TBC1D32: variants seen among roughly 807,000 people sequenced by gnomAD.
TBC1D32 encodes protein broad-minded.
Under a neutral mutation model 170.3 loss-of-function variants are expected in TBC1D32, and 151 were observed. The ratio of observed to expected loss-of-function variants is 0.89; its 90% CI spans 0.78 to 1.01. The LOEUF is 1.01. Among genes scored for constraint, TBC1D32 ranks in the 50% least tolerant of loss-of-function variants. The probability of loss-of-function intolerance (pLI) is 0.00; values close to 1 mark genes in which losing one functional copy is unlikely to be tolerated. For missense variants in TBC1D32, 1,464 were observed against 1,457.1 expected (o/e 1.00, Z -0.08); for synonymous variants, 498 against 488.0 (o/e 1.02, Z -0.27).
rs566007571 is a variant in TBC1D32 at position 121,201,945 on chromosome 6, G to T, written c.2570+3130C>A. On this transcript the variant is annotated intron_variant, in intron 22 of 31. Transcript: ENST00000398212. ...AATTAAGCAATTAAAGAGACGGTTG[G>T]GTCACTTAATGAGACAGAAATGAAA... 7.9e-5 allele frequency among the ~76,000 whole-genome samples: 12 copies of T among 151,024 alleles called. 1 individual carries two copies. The highest frequency in any genetic ancestry group is 3.0e-4 in the African/African-American group (12 of 40,606).
At chr6:121,253,553 C>T (rs2128389632) in intron 17 of TBC1D32, among the ~76,000 whole-genome samples, 1 of 152,180 alleles carries the variant, frequency 6.6e-6, no homozygotes, top group East Asian at 1.9e-4. Context: ...CCCGTCTCTA[C>T]TAAAAATACA....
intron 14 of TBC1D32, among the ~76,000 whole-genome samples, chr6:121,279,493 G>A (rs1017900470): frequency 1.3e-5 from 2 of 151,784 alleles, no homozygotes; most frequent in Non-Finnish European, 2.9e-5. Flanking sequence ...ATTGAGAATT[G>A]CTGCTCTTGT....
chr6:121,129,316 C>A (rs1781176870), intron 25 of TBC1D32, among the ~76,000 whole-genome samples: 1 of 152,058 alleles, frequency 6.6e-6, no homozygotes, highest in Non-Finnish European at 1.5e-5. Context: ...AGATTTTGCC[C>A]AGCCATAGGA....
intron 22 of TBC1D32, among the ~76,000 whole-genome samples, chr6:121,183,985 T>A (rs1031069297): frequency 1.3e-5 from 2 of 152,078 alleles, no homozygotes; most frequent in South Asian, 4.1e-4. Flanking sequence ...CCAATGATCT[T>A]AGGTTTCCTT....
At chr6:121,309,008 G>A (rs1419263284) in intron 4 of TBC1D32, among the ~76,000 whole-genome samples, 10 of 152,012 alleles carry the variant, frequency 6.6e-5, no homozygotes. Context: ...AAAAGGTGAG[G>A]CCTAAGAGAC....
rs67847088 is a variant in TBC1D32 at position 121,308,686 on chromosome 6, C to CTTTTTTTTTTTTTTTTTTTT, written c.565-605_565-586dup. ...CTGTATTTTCACAGAAAGCTTACTT[C>CTTTTTTTTTTTTTTTTTTTT]TTTTTTTTTTTTTTTTTTTTGAGAC... On this transcript the variant is annotated intron_variant, in intron 4 of 31. Transcript: ENST00000398212. 1.3e-4 allele frequency among the ~76,000 whole-genome samples: 15 copies of CTTTTTTTTTTTTTTTTTTTT among 112,538 alleles called. 1 individual carries two copies. The highest frequency in any genetic ancestry group is 4.3e-4 in the African/African-American group (11 of 25,828). The allele number at this position is 112,538 out of a possible 152,430, so 73.8% of individuals were successfully genotyped here.
chr6:121,249,031 A>G (rs1178820499), intron 17 of TBC1D32, among the ~76,000 whole-genome samples: 3 of 151,946 alleles, frequency 2.0e-5, no homozygotes, highest in African/African-American at 7.2e-5. Flanking sequence ...TCTGATAAAC[A>G]CAGATGCAAA....
At chr6:121,138,904 G>C (rs995943286) in intron 24 of TBC1D32, among the ~76,000 whole-genome samples, 10 of 151,008 alleles carry the variant, frequency 6.6e-5, no homozygotes, top group Admixed American at 1.3e-4. Flanking sequence ...GAGTGCAGTA[G>C]AGCAATCTCG....
intron 1 of TBC1D32, among the ~76,000 whole-genome samples, chr6:121,324,295 A>G (rs1385972236): frequency 6.6e-6 from 1 of 152,184 alleles, no homozygotes. Context: ...ATTACATTTT[A>G]TTCCCCCAAA....
At chr6:121,123,727 A>C (rs918920517) in intron 26 of TBC1D32, among the ~76,000 whole-genome samples, 4 of 152,004 alleles carry the variant, frequency 2.6e-5, no homozygotes, top group Non-Finnish European at 5.9e-5. Flanking sequence ...GTCTGTTTAC[A>C]TTCAATGTTA....
At chr6:121,250,034 T>C (rs1456274705) in intron 17 of TBC1D32, among the ~76,000 whole-genome samples, 1 of 151,918 alleles carries the variant, frequency 6.6e-6, no homozygotes, top group East Asian at 1.9e-4. Context: ...AAAGCAAAAC[T>C]AAGCAAAAAG....
chr6:121,101,199 T>C (rs1026185084), intron 30 of TBC1D32, among the ~76,000 whole-genome samples: 2 of 151,942 alleles, frequency 1.3e-5, no homozygotes, highest in African/African-American at 4.8e-5. Context: ...ACTATTCCAA[T>C]TAATAGAAAA....
intron 22 of TBC1D32, among the ~76,000 whole-genome samples, chr6:121,190,680 T>C (rs1789882991): frequency 6.6e-6 from 1 of 152,190 alleles, no homozygotes; most frequent in South Asian, 2.1e-4. Flanking sequence ...AAACCAAATC[T>C]CACCAGAAAC....
rs573494545 is a variant in TBC1D32, at chr6:121,176,359, C to A, written c.2571-15303G>T. The stretch of plus-strand genomic sequence containing the variant: ...ATACCTAAGGTGAGAGAATTTCTAA[C>A]CTGTTTGAACAGGAAGGGGGCCAAT... On this transcript the variant is annotated intron_variant, in intron 22 of 31. Transcript: ENST00000398212. Among the ~76,000 whole-genome samples the A allele has an allele frequency of 2.6e-5, 4 of 152,138 alleles. No individual in the cohort carries two copies. In the South Asian group the frequency reaches 6.2e-4, roughly 24 times the overall value.
chr6:121,112,850 A>C (rs1257733218), intron 28 of TBC1D32, among the ~76,000 whole-genome samples, 191 bp from the exon 29 acceptor site: 1 of 152,144 alleles, frequency 6.6e-6, no homozygotes, highest in African/African-American at 2.4e-5. Context: ...TTTAAGATTC[A>C]ATGAATGAGA....
intron 26 of TBC1D32, chr6:121,115,668 T>A (rs1458512389): frequency 1.3e-5 from 2 of 153,034 alleles, no homozygotes; most frequent in African/African-American, 4.8e-5. Context: ...ACTTTTAATG[T>A]ATGGTAACGT....
chr6:121,240,585 T>C (rs143973602), intron 19 of TBC1D32, among the ~76,000 whole-genome samples: 1 of 151,838 alleles, frequency 6.6e-6, no homozygotes, highest in African/African-American at 2.4e-5. Context: ...AGAGCTCAGA[T>C]AACCTTAATA....
intron 26 of TBC1D32, among the ~76,000 whole-genome samples, chr6:121,118,559 A>C (rs1779922034): frequency 6.6e-6 from 1 of 152,218 alleles, no homozygotes; most frequent in Non-Finnish European, 1.5e-5. Context: ...GAAGAAATTA[A>C]ATCTATTCTG....
intron 22 of TBC1D32, among the ~76,000 whole-genome samples, chr6:121,171,154 T>A (rs1786926240): frequency 6.6e-6 from 1 of 151,974 alleles, no homozygotes; most frequent in Non-Finnish European, 1.5e-5. Context: ...ATTATCAGTT[T>A]ACAGGAAACA....
Sources: allele counts gnomAD v4.1 joint callset (sites outside exome capture counted in the v4.1 genomes callset), GRCh38; gene constraint gnomAD v4.1.1; transcripts MANE v1.5; gene names NCBI Gene and HGNC (gene_info 2026-07-23, HGNC 2026-07-21).